Variants in GPR63 observed in about 807,000 individuals in gnomAD.
GPR63 encodes G protein-coupled receptor 63.
A neutral mutation model predicts 23.1 loss-of-function variants in GPR63; 12 were observed. That is an observed-to-expected ratio of 0.52 (90% CI 0.33 to 0.84). GPR63 has a LOEUF of 0.84. Among genes scored for constraint, GPR63 ranks in the 40% least tolerant of loss-of-function variants. GPR63 has a pLI of 0.02. For synonymous variants in GPR63, 172 were observed against 191.1 expected (o/e 0.90, Z 0.82); for missense variants, 472 against 515.6 (o/e 0.92, Z 0.82).
intron 1 of GPR63, among the ~76,000 whole-genome samples, chr6:96,801,141 AACAT>A (rs1773753394): frequency 6.6e-6 from 1 of 152,202 alleles, no homozygotes; most frequent in African/African-American, 2.4e-5. Flanking sequence ...AGACTGGGAA[AACAT>A]ACATGTACAG....
At chr6:96,830,004 T>C (rs1774539893) in intron 1 of GPR63, among the ~76,000 whole-genome samples, 1 of 152,140 alleles carries the variant, frequency 6.6e-6, no homozygotes, top group African/African-American at 2.4e-5. Flanking sequence ...ACAACACTGA[T>C]GAATCTAAAA....
In GPR63 at chr6:96,794,231, T is replaced by C. The variant is rs1360300193; in HGVS notation, c.*4241A>G. 1 of 152,072 alleles carries C rather than the reference T, an allele frequency of 6.6e-6. No individual in the cohort carries two copies. The highest frequency in any genetic ancestry group is 1.5e-5 in the Non-Finnish European group (1 of 67,970). The allele number at this position is 152,072 out of a possible 1,614,324, so 9.4% of individuals were successfully genotyped here. On this transcript the variant is annotated 3_prime_UTR_variant, in exon 2 of 2. Transcript: ENST00000229955. ...TTCGATATTTAAATATTAGAACCCA[T>C]AATTCAAGGTTGTTTTTTTTTCCAT...
At chr6:96,808,456 T>C (rs62413031) in intron 1 of GPR63, among the ~76,000 whole-genome samples, 4,980 of 152,238 alleles carry the variant, frequency 0.033, 129 homozygotes, top group Middle Eastern at 0.068. Context: ...AAAACTGGAG[T>C]GACCACCTTT....
At chr6:96,828,130 C>T (rs953990427) in intron 1 of GPR63, among the ~76,000 whole-genome samples, 13 of 152,064 alleles carry the variant, frequency 8.5e-5, no homozygotes, top group African/African-American at 3.1e-4. Context: ...GTGGCTTGAA[C>T]AATAGAAATT....
At chr6:96,821,942 T>A (rs571010816) in intron 1 of GPR63, among the ~76,000 whole-genome samples, 1 of 151,988 alleles carries the variant, frequency 6.6e-6, no homozygotes. Flanking sequence ...TTTCCAAGGA[T>A]ATAATAGAAA....
chr6:96,808,518 C>A (rs1485986608), intron 1 of GPR63, among the ~76,000 whole-genome samples: 1 of 152,128 alleles, frequency 6.6e-6, no homozygotes, highest in Non-Finnish European at 1.5e-5. Flanking sequence ...CCCAATAGAA[C>A]TGAATATTTA....
chr6:96,803,317 T>G (rs1261424533), intron 1 of GPR63, among the ~76,000 whole-genome samples: 1 of 152,190 alleles, frequency 6.6e-6, no homozygotes, highest in African/African-American at 2.4e-5. Context: ...ACCAGTCACC[T>G]GTATATGGAA....
At chr6:96,837,183 G>A (rs1324778597) in intron 1 of GPR63, 85 bp downstream of exon 1, 1 of 152,328 alleles carries the variant, frequency 6.6e-6, no homozygotes, top group African/African-American at 2.4e-5. Context: ...GCCCAGCGCA[G>A]CGGATGCAAG....
chr6:96,830,561 A>C (rs981246492), intron 1 of GPR63, among the ~76,000 whole-genome samples: 3 of 152,212 alleles, frequency 2.0e-5, no homozygotes, highest in African/African-American at 7.2e-5. Context: ...TAGAGAAAGA[A>C]GGAAAGGAAA....
chr6:96,809,297 T>C (rs893829031), intron 1 of GPR63, among the ~76,000 whole-genome samples: 1 of 152,092 alleles, frequency 6.6e-6, no homozygotes, highest in Non-Finnish European at 1.5e-5. Flanking sequence ...GTATTCAGAG[T>C]GCATGTTAAC....
intron 1 of GPR63, among the ~76,000 whole-genome samples, chr6:96,832,602 C>T (rs1774616470): frequency 6.6e-6 from 1 of 151,828 alleles, no homozygotes; most frequent in African/African-American, 2.4e-5. Context: ...ACAAGAAAAA[C>T]TTCTAAAGTA....
At chr6:96,814,058 A>G (rs941069616) in intron 1 of GPR63, among the ~76,000 whole-genome samples, 3 of 152,226 alleles carry the variant, frequency 2.0e-5, no homozygotes, top group Non-Finnish European at 4.4e-5. Flanking sequence ...AGCAAAAGAA[A>G]AAAATACTTT....
chr6:96,797,951 A>G lies in GPR63; in HGVS notation c.*521T>C, dbSNP rs959601421. On this transcript the variant is annotated 3_prime_UTR_variant, in exon 2 of 2. Transcript: ENST00000229955. Reference sequence around the variant, plus strand: ...AATTAATTTGTACATTATCTCTTAAAGTGCACCAAAGTAAATAGTAATGAC... The same window carrying G: ...AATTAATTTGTACATTATCTCTTAAGGTGCACCAAAGTAAATAGTAATGAC... 1 of 153,004 alleles carries G rather than the reference A, an allele frequency of 6.5e-6. No homozygotes were observed. Among genetic ancestry groups the G allele is most frequent in the Admixed American group, 6.5e-5 (1 of 15,408 alleles). 9.5% of individuals were successfully genotyped at this position (153,004 alleles called of 1,614,324 possible).
rs1356938597 is a variant in GPR63 at position 96,823,060 on chromosome 6, G to C, written c.-151+14208C>G. Among the ~76,000 whole-genome samples the C allele has an allele frequency of 2.6e-5, 4 of 152,178 alleles. No individual in the cohort carries two copies. The East Asian group carries it at 7.7e-4, about 29-fold the overall frequency. ...TGTTTGCAGTGATGCTGGCATAAAT[G>C]AACCTTCTGTGCTGCCAGTTGTATA... On this transcript the variant is annotated intron_variant, in intron 1 of 1. Coordinates refer to ENST00000229955, the MANE Select transcript of GPR63 (RefSeq NM_030784.4).
chr6:96,826,925 G>A (rs1024992518), intron 1 of GPR63, among the ~76,000 whole-genome samples: 28 of 151,604 alleles, frequency 1.8e-4, no homozygotes, highest in African/African-American at 5.1e-4. Context: ...AAAATGTGCC[G>A]AAGTCAGTAC....
intron 1 of GPR63, among the ~76,000 whole-genome samples, chr6:96,803,553 T>C (rs781663360): frequency 3.9e-5 from 6 of 152,202 alleles, no homozygotes; most frequent in Non-Finnish European, 7.3e-5. Flanking sequence ...ATCTGTACAG[T>C]GGTCGTCATT....
At chr6:96,807,762 A>G (rs1161270308) in intron 1 of GPR63, among the ~76,000 whole-genome samples, 2 of 152,214 alleles carry the variant, frequency 1.3e-5, no homozygotes, top group Admixed American at 1.3e-4. Context: ...CTGCATTCTT[A>G]AGAATAACCT....
At chr6:96,814,880 T>G (rs1774125229) in intron 1 of GPR63, among the ~76,000 whole-genome samples, 1 of 152,166 alleles carries the variant, frequency 6.6e-6, no homozygotes, top group Admixed American at 6.5e-5. Context: ...GTGAGTTATA[T>G]CATACTTTCA....
intron 1 of GPR63, among the ~76,000 whole-genome samples, chr6:96,819,976 A>AC (rs1774269447): frequency 6.8e-6 from 1 of 146,720 alleles, no homozygotes; most frequent in African/African-American, 2.5e-5. Flanking sequence ...CTCTGTCTCA[A>AC]AAAAAAAAAA....
Sources: gnomAD v4.1 joint callset for allele counts (sites outside exome capture counted in the v4.1 genomes callset) on GRCh38, gnomAD v4.1.1 for gene constraint, MANE v1.5 for transcripts, NCBI Gene and HGNC (gene_info 2026-07-23, HGNC 2026-07-21) for gene names.